Variants in PTPRK observed in about 807,000 individuals in gnomAD.
PTPRK encodes receptor-type tyrosine-protein phosphatase kappa.
A neutral mutation model predicts 178.0 loss-of-function variants in PTPRK; 75 were observed. The observed-to-expected ratio is 0.42, with a 90% CI of 0.35 to 0.51. The LOEUF (loss-of-function observed/expected upper bound fraction) is 0.51. Ranked by LOEUF, PTPRK falls within the 20% of genes least tolerant of loss-of-function variation. The pLI is 0.02. For synonymous variants in PTPRK, 637 were observed against 620.6 expected (o/e 1.03, Z -0.39); for missense variants, 1,441 against 1,797.8 (o/e 0.80, Z 3.59).
intron 1 of PTPRK, among the ~76,000 whole-genome samples, chr6:128,510,855 A>C (rs1857071445): frequency 6.6e-6 from 1 of 151,838 alleles, no homozygotes; most frequent in East Asian, 1.9e-4. Flanking sequence ...ACTGTTAAGG[A>C]AAATGATATA....
intron 29 of PTPRK, among the ~76,000 whole-genome samples, chr6:127,972,164 T>C (rs1375529022): frequency 6.6e-6 from 1 of 152,210 alleles, no homozygotes; most frequent in Non-Finnish European, 1.5e-5. Context: ...GAGCAATCCA[T>C]GAGCAGGAAG....
At chr6:127,998,634 G>T in intron 16 of PTPRK, 86 bp downstream of exon 16, 2 of 1,111,460 alleles carry the variant, frequency 1.8e-6, no homozygotes, top group Non-Finnish European at 2.5e-6. Context: ...CCTCCTTGTT[G>T]TGTTAAAGAG....
At chr6:128,149,916 T>C (rs1053045114) in intron 7 of PTPRK, among the ~76,000 whole-genome samples, 1 of 152,152 alleles carries the variant, frequency 6.6e-6, no homozygotes, top group Non-Finnish European at 1.5e-5. Context: ...ATTGTAGATG[T>C]TCACTATGGG....
chr6:128,355,548 A>C (rs1463861597), intron 2 of PTPRK, among the ~76,000 whole-genome samples: 2 of 152,108 alleles, frequency 1.3e-5, no homozygotes, highest in Non-Finnish European at 2.9e-5. Flanking sequence ...AGGTGCATGT[A>C]TCATAGACAT....
intron 2 of PTPRK, among the ~76,000 whole-genome samples, chr6:128,383,403 T>C (rs1018807513): frequency 6.6e-6 from 1 of 152,200 alleles, no homozygotes; most frequent in African/African-American, 2.4e-5. Context: ...GACAATCCTC[T>C]TGACCAGATC....
In PTPRK at chr6:128,224,607, T is replaced by C. The variant is rs558062450; in HGVS notation, c.694-5511A>G. Among the ~76,000 whole-genome samples the C allele has an allele frequency of 2.6e-4, 40 of 152,330 alleles. 1 individual carries two copies. Among genetic ancestry groups the C allele is most frequent in the Middle Eastern group, 3.4e-3 (1 of 294 alleles). ...AAAATCTGCATCAAGATATTACACG[T>C]GGAGACACACTGGGCCATTAACACT... On this transcript the variant is annotated intron_variant, in intron 5 of 29. Transcript: ENST00000368226.
At chr6:127,973,961 T>C (rs1327064641) in intron 27 of PTPRK, 134 bp from the exon 28 acceptor site, 1 of 760,648 alleles carries the variant, frequency 1.3e-6, no homozygotes, top group Non-Finnish European at 2.0e-6. Flanking sequence ...CCTCAATATG[T>C]ACATGCTAGT....
intron 3 of PTPRK, among the ~76,000 whole-genome samples, chr6:128,313,286 A>G (rs1827509909): frequency 6.6e-6 from 1 of 152,120 alleles, no homozygotes; most frequent in Admixed American, 6.6e-5. Flanking sequence ...AAATTTGTAC[A>G]ATTGCTTTCT....
intron 11 of PTPRK, among the ~76,000 whole-genome samples, chr6:128,071,573 TC>T: frequency 6.6e-6 from 1 of 152,068 alleles, no homozygotes; most frequent in Non-Finnish European, 1.5e-5. Context: ...TGTACCAGTA[TC>T]CCTCAAAATT....
intron 14 of PTPRK, among the ~76,000 whole-genome samples, chr6:128,008,615 T>C (rs569840127): frequency 3.3e-5 from 5 of 151,286 alleles, no homozygotes; most frequent in African/African-American, 9.6e-5. Flanking sequence ...AAAAAGTTAA[T>C]GTTCAATTAA....
intron 7 of PTPRK, among the ~76,000 whole-genome samples, chr6:128,176,632 T>C (rs1801120230): frequency 6.6e-6 from 1 of 151,790 alleles, no homozygotes; most frequent in African/African-American, 2.4e-5. Flanking sequence ...TCATTTGCTT[T>C]TTCCTTTGAA....
intron 1 of PTPRK, among the ~76,000 whole-genome samples, chr6:128,474,620 CT>C (rs1168280254): frequency 6.6e-6 from 1 of 152,098 alleles, no homozygotes; most frequent in Non-Finnish European, 1.5e-5. Context: ...TTCAGAACTT[CT>C]GCAACAACTG....
intron 2 of PTPRK, among the ~76,000 whole-genome samples, chr6:128,327,553 C>T (rs1044462331): frequency 2.0e-5 from 3 of 152,118 alleles, no homozygotes; most frequent in African/African-American, 7.2e-5. Flanking sequence ...CTCAAACTGT[C>T]TCACAGTTTC....
chr6:128,035,596 G>GA (rs200159686), intron 13 of PTPRK, among the ~76,000 whole-genome samples: 14 of 151,448 alleles, frequency 9.2e-5, no homozygotes, highest in East Asian at 7.7e-4. Flanking sequence ...TTAGGAAACA[G>GA]AAAAAAAAAT....
rs1410598702 is a variant in PTPRK, at chr6:128,290,190, A to G, written c.495+31849T>C. Among the ~76,000 whole-genome samples, 6 of 152,126 alleles carry G rather than the reference A, an allele frequency of 3.9e-5. No homozygotes were observed. The East Asian group carries it at 1.2e-3, about 29-fold the overall frequency. ...ATGGTTACAATTTGCTTCACTTCAA[A>G]TAACAGTGCTTTTGAGGGTAGATTT... On this transcript the variant is annotated intron_variant, in intron 3 of 29. Transcript: ENST00000368226.
At chr6:128,251,561 T>C (rs989458441) in intron 3 of PTPRK, among the ~76,000 whole-genome samples, 2 of 152,172 alleles carry the variant, frequency 1.3e-5, no homozygotes, top group Non-Finnish European at 2.9e-5. Context: ...CTCCAGAGAT[T>C]CTAAATACCA....
chr6:128,054,041 C>A (rs775619088), intron 13 of PTPRK, among the ~76,000 whole-genome samples: 3 of 152,170 alleles, frequency 2.0e-5, no homozygotes, highest in African/African-American at 7.2e-5. Flanking sequence ...AACTTGCTTT[C>A]ACTTCAAAAA....
At position 128,083,808 on chromosome 6, in the gene PTPRK, T is replaced by C; in HGVS notation, c.1482A>G (p.Pro494=). 1 of 1,601,652 alleles carries C rather than the reference T, an allele frequency of 6.2e-7. No homozygotes were observed. Among genetic ancestry groups the C allele is most frequent in the Non-Finnish European group, 8.5e-7 (1 of 1,172,918 alleles). Residue 494 remains proline (P), a synonymous_variant, in exon 9 of 30, where the codon CCA becomes CCG. Transcript: ENST00000368226. ...AGGATGTTCCTTGAAGAGATTTTAC[T>C]GGTACGGGACCAGGCACTACAAAAC... ...QTDEDVPGPV[P]VKSLQGTSFE... is the part of the protein sequence containing the mutation.
At chr6:128,253,161 A>C (rs926519859) in intron 3 of PTPRK, among the ~76,000 whole-genome samples, 2 of 152,224 alleles carry the variant, frequency 1.3e-5, no homozygotes, top group African/African-American at 4.8e-5. Flanking sequence ...AAATTGAAAT[A>C]GGACCCACTA....
Sources: gnomAD v4.1 joint callset for allele counts (sites outside exome capture counted in the v4.1 genomes callset) on GRCh38, gnomAD v4.1.1 for gene constraint, MANE v1.5 for transcripts, NCBI Gene and HGNC (gene_info 2026-07-23, HGNC 2026-07-21) for gene names.